The following CNTN5 variants were observed in gnomAD, a reference collection of about 807,000 sequenced individuals.
CNTN5 encodes contactin 5, also known as contactin-5.
In CNTN5, 77 loss-of-function variants were observed where a neutral mutation model predicts 129.1. The ratio of observed to expected loss-of-function variants is 0.60; its 90% confidence interval spans 0.50 to 0.72. The LOEUF (loss-of-function observed/expected upper bound fraction) is 0.72, where lower values mean the gene tolerates loss of function less well. Among genes scored for constraint, CNTN5 ranks in the 30% least tolerant of loss-of-function variants. CNTN5 has a pLI of 0.00. For missense variants in CNTN5, 1,478 were observed against 1,328.8 expected (o/e 1.11, Z -1.75); for synonymous variants, 509 against 465.6 (o/e 1.09, Z -1.20).
Position 99,598,285 on chromosome 11 carries a change from T to TG in CNTN5, c.55+42016_55+42017insG, listed in dbSNP as rs1565335398. On this transcript the variant is annotated intron_variant, in intron 3 of 24. Transcript: ENST00000524871. ...TTTTCTTTTCTTTTCTTTTCTTTTC[T>TG]TTTCTTTTCTTTTCTTTTCTTTTCT... 9.5e-3 allele frequency among the ~76,000 whole-genome samples: 62 copies of TG among 6,530 alleles called. 5 individuals are homozygous for TG. Among genetic ancestry groups the TG allele is most frequent in the South Asian group, 0.024 (2 of 84 alleles). 4.3% of individuals were successfully genotyped at this position (6,530 alleles called of 152,430 possible).
At chr11:99,122,777 A>G (rs758891445) in intron 1 of CNTN5, among the ~76,000 whole-genome samples, 1 of 152,120 alleles carries the variant, frequency 6.6e-6, no homozygotes, top group Admixed American at 6.6e-5. Context: ...GCTCCCACCT[A>G]TAAATGAGAA....
In CNTN5 at chr11:99,026,676, C is replaced by T. The variant is rs1863119671; in HGVS notation, c.-210+5406C>T. Among the ~76,000 whole-genome samples, 7 of 151,606 alleles carry T rather than the reference C, an allele frequency of 4.6e-5. No homozygotes were observed. The South Asian group carries it at 1.5e-3, about 31-fold the overall frequency. ...GGGGCCATGCGAGCTCATATTTTTA[C>T]CTACTCATAATAAACAAAGTTTCTT... On this transcript the variant is annotated intron_variant, in intron 1 of 24. Coordinates refer to ENST00000524871, the MANE Select transcript of CNTN5 (RefSeq NM_014361.4).
chr11:100,049,793 C>A (rs1369448108), intron 9 of CNTN5, among the ~76,000 whole-genome samples: 1 of 152,076 alleles, frequency 6.6e-6, no homozygotes, highest in Non-Finnish European at 1.5e-5. Flanking sequence ...ATACAAACAA[C>A]CCCATCAAAA....
chr11:99,597,976 C>T (rs1366850904), intron 3 of CNTN5, among the ~76,000 whole-genome samples: 2 of 152,094 alleles, frequency 1.3e-5, no homozygotes, highest in South Asian at 2.1e-4. Flanking sequence ...AGTAAGCCCT[C>T]ATTGACACCT....
intron 1 of CNTN5, among the ~76,000 whole-genome samples, chr11:99,036,655 C>T (rs1391643964): frequency 1.3e-5 from 2 of 152,016 alleles, no homozygotes; most frequent in African/African-American, 2.4e-5. Context: ...CCAAGTTTTC[C>T]TCCATAGCGA....
chr11:99,824,814 G>A (rs1441383), intron 4 of CNTN5, among the ~76,000 whole-genome samples: 9,050 of 151,932 alleles, frequency 0.06, 325 homozygotes, highest in South Asian at 0.099. Flanking sequence ...ACCAATGTCA[G>A]TGATCTCCAC....
At chr11:99,864,169 A>G (rs899987326) in intron 6 of CNTN5, among the ~76,000 whole-genome samples, 25 of 152,178 alleles carry the variant, frequency 1.6e-4, no homozygotes, top group African/African-American at 5.5e-4. Flanking sequence ...ATTAATCTTA[A>G]GAATATTATA....
At chr11:99,075,703 A>G (rs1449936001) in intron 1 of CNTN5, among the ~76,000 whole-genome samples, 1 of 152,238 alleles carries the variant, frequency 6.6e-6, no homozygotes, top group Admixed American at 6.5e-5. Context: ...GGGAATTGTC[A>G]TAAAATATCA....
In CNTN5 at chr11:100,346,093, A is replaced by G. The variant is rs78714603; in HGVS notation, c.3031-4609A>G. 8.2e-3 allele frequency among the ~76,000 whole-genome samples: 1,255 copies of G among 152,306 alleles called. 20 individuals are homozygous for G. Among genetic ancestry groups the G allele is most frequent in the East Asian group, 0.061 (316 of 5,172 alleles). ...AGAATCAACTGCCTATTTTATTAATACATTATATATAAATGATTGGGAAAA... is the reference window on the plus strand; with the variant it reads ...AGAATCAACTGCCTATTTTATTAATGCATTATATATAAATGATTGGGAAAA... On this transcript the variant is annotated intron_variant, in intron 23 of 24. Coordinates refer to ENST00000524871, the MANE Select transcript of CNTN5 (RefSeq NM_014361.4).
chr11:99,680,709 C>T (rs368552071), intron 3 of CNTN5, among the ~76,000 whole-genome samples: 18 of 151,622 alleles, frequency 1.2e-4, no homozygotes, highest in African/African-American at 4.4e-4. Context: ...GAATCCTTAT[C>T]AGAAGGTTTT....
chr11:99,111,468 G>T (rs1236875178), intron 1 of CNTN5, among the ~76,000 whole-genome samples: 1 of 152,034 alleles, frequency 6.6e-6, no homozygotes, highest in African/African-American at 2.4e-5. Context: ...AACCTAAGGT[G>T]ATACATGTTG....
intron 9 of CNTN5, among the ~76,000 whole-genome samples, chr11:100,019,932 T>G (rs1323108325): frequency 6.6e-6 from 1 of 152,044 alleles, no homozygotes; most frequent in Admixed American, 6.6e-5. Flanking sequence ...TGTTGACCAT[T>G]TGTACCTCTT....
intron 1 of CNTN5, among the ~76,000 whole-genome samples, chr11:99,117,740 T>C (rs777265857): frequency 1.3e-5 from 2 of 152,096 alleles, no homozygotes; most frequent in Non-Finnish European, 2.9e-5. Context: ...CTAGAAAGTG[T>C]GAGAGAGGCC....
At position 99,734,295 on chromosome 11, in the gene CNTN5, G is replaced by A. The variant is rs114019753; in HGVS notation, c.56-85249G>A. Among the ~76,000 whole-genome samples the A allele has an allele frequency of 7.9e-3, 1,201 of 152,092 alleles. 15 individuals carry two copies. The highest frequency in any genetic ancestry group is 0.027 in the African/African-American group (1,110 of 41,460). On this transcript the variant is annotated intron_variant, in intron 3 of 24. Coordinates refer to ENST00000524871, the MANE Select transcript of CNTN5 (RefSeq NM_014361.4). ...GTGCAATAAATTATTGTTGACTGTAGTCACCCTGTTGGGCTGTCAAATACT... is the reference window on the plus strand; with the variant it reads ...GTGCAATAAATTATTGTTGACTGTAATCACCCTGTTGGGCTGTCAAATACT...
At chr11:99,123,481 T>C (rs1314817685) in intron 1 of CNTN5, among the ~76,000 whole-genome samples, 1 of 152,124 alleles carries the variant, frequency 6.6e-6, no homozygotes, top group Non-Finnish European at 1.5e-5. Context: ...TTTTCTGCCA[T>C]TCTGTAGGTT....
At chr11:99,141,069 A>G (rs968907637) in intron 1 of CNTN5, among the ~76,000 whole-genome samples, 3 of 152,130 alleles carry the variant, frequency 2.0e-5, no homozygotes, top group Non-Finnish European at 4.4e-5. Context: ...ACTTAGGATT[A>G]GTACTAGCTC....
chr11:99,976,032 A>C (rs1937933260), intron 8 of CNTN5, among the ~76,000 whole-genome samples: 1 of 152,224 alleles, frequency 6.6e-6, no homozygotes, highest in African/African-American at 2.4e-5. Context: ...GGCACTGGGT[A>C]AATGCTCCCA....
chr11:100,283,694 C>A (rs528423103), intron 18 of CNTN5, among the ~76,000 whole-genome samples: 1 of 152,264 alleles, frequency 6.6e-6, no homozygotes, highest in Non-Finnish European at 1.5e-5. Flanking sequence ...ACCTGTAATC[C>A]CAGCACTTTG....
chr11:100,128,005 G>A (rs1360509449), intron 13 of CNTN5, among the ~76,000 whole-genome samples: 1 of 151,990 alleles, frequency 6.6e-6, no homozygotes, highest in African/African-American at 2.4e-5. Flanking sequence ...GCTACTCTGA[G>A]TCCTACACTG....
Sources: allele counts gnomAD v4.1 joint callset (sites outside exome capture counted in the v4.1 genomes callset), GRCh38; gene constraint gnomAD v4.1.1; transcripts MANE v1.5; gene names NCBI Gene and HGNC (gene_info 2026-07-23, HGNC 2026-07-21).